ADD3: variants seen among roughly 807,000 people sequenced by gnomAD.
ADD3 encodes the protein gamma-adducin.
A neutral mutation model predicts 80.2 loss-of-function variants in ADD3; 25 were observed. The ratio of observed to expected loss-of-function variants is 0.31; its 90% CI spans 0.23 to 0.44. The LOEUF is 0.44. Among genes scored for constraint, ADD3 ranks in the 20% least tolerant of loss-of-function variants. The pLI, the probability that ADD3 is intolerant of heterozygous loss-of-function variation, is 1.00. For missense variants in ADD3, 829 were observed against 847.5 expected (o/e 0.98, Z 0.27); for synonymous variants, 284 against 289.6 (o/e 0.98, Z 0.20).
intron 8 of ADD3, among the ~76,000 whole-genome samples, chr10:110,121,035 A>G (rs1451121541): frequency 6.6e-6 from 1 of 151,970 alleles, no homozygotes; most frequent in Non-Finnish European, 1.5e-5. Flanking sequence ...TAGACCTAAA[A>G]CCATAAAAAC....
At chr10:110,063,784 A>ATATAT (rs1230336153) in intron 1 of ADD3, among the ~76,000 whole-genome samples, 94 of 53,276 alleles carry the variant, frequency 1.8e-3, no homozygotes, top group South Asian at 2.3e-3. Context: ...TATATATATA[A>ATATAT]AGTGAACACC....
At chr10:110,123,839 T>G in intron 9 of ADD3, 178 bp from the exon 10 acceptor site, 1 of 617,854 alleles carries the variant, frequency 1.6e-6, no homozygotes, top group Non-Finnish European at 2.8e-6. Flanking sequence ...GGTCTTGAAA[T>G]TTGCATAATT....
Position 110,049,224 on chromosome 10 carries a change from C to T in ADD3, c.-30+40925C>T, listed in dbSNP as rs374947973. On this transcript the variant is annotated intron_variant, in intron 1 of 14. Transcript: ENST00000356080. ...TTAGATTTCCGAGGATGTATGGAAACGCCTGGATTCCAGGCAGAAGTTTGC... is the reference window on the plus strand; with the variant it reads ...TTAGATTTCCGAGGATGTATGGAAATGCCTGGATTCCAGGCAGAAGTTTGC... Among the ~76,000 whole-genome samples the T allele has an allele frequency of 2.5e-4, 38 of 152,338 alleles. No individual in the cohort carries two copies. In the East Asian group the frequency reaches 4.4e-3, roughly 18 times the overall value.
chr10:110,092,265 A>G (rs1346290305), intron 1 of ADD3, among the ~76,000 whole-genome samples: 1 of 152,208 alleles, frequency 6.6e-6, no homozygotes, highest in Non-Finnish European at 1.5e-5. Context: ...ACACAAGCGC[A>G]AATATGTTCA....
chr10:110,122,123 C>T lies in ADD3; in HGVS notation c.974C>T (p.Ala325Val), dbSNP rs758648956. The T allele has an allele frequency of 1.9e-6, 3 of 1,612,596 alleles. No individual in the cohort carries two copies. Among genetic ancestry groups the T allele is most frequent in the Non-Finnish European group, 1.7e-6 (2 of 1,179,196 alleles). ...CATTGATTACAGGTGCAGGCCCTAG[C>T]AGGTGCAGGTGGAGTAGACAATCTC... ...LACEIQVQAL[A>V]GAGGVDNLHV... Residue 325 changes from alanine to valine, a missense_variant, in exon 9 of 15, where the codon GCA (alanine) becomes GTA (valine). Ala to Val is a moderately conservative substitution (Grantham distance 64). Transcript: ENST00000356080.
chr10:110,086,013 G>A (rs1346962381), intron 1 of ADD3, among the ~76,000 whole-genome samples: 4 of 152,190 alleles, frequency 2.6e-5, no homozygotes, highest in East Asian at 3.8e-4. Flanking sequence ...GCTGAAGCAC[G>A]AGAATCGCTT....
At position 110,133,725 on chromosome 10, in the gene ADD3, A is replaced by G. The variant is rs1162614172; in HGVS notation, c.*107A>G. ...AATGGTAGATCAGATTGGGGGATGT[A>G]GCAAACTGGACTTTAAGAACTGGAA... On this transcript the variant is annotated 3_prime_UTR_variant, in exon 15 of 15. Coordinates refer to ENST00000356080, the MANE Select transcript of ADD3 (RefSeq NM_016824.5). 3.2e-6 allele frequency: 3 copies of G among 929,718 alleles called. No individual in the cohort carries two copies. The African/African-American group carries it at 5.1e-5, about 16-fold the overall frequency. The allele number at this position is 929,718 out of a possible 1,614,324, so 57.6% of individuals were successfully genotyped here. A position where few individuals can be genotyped will look rare whatever the true frequency, so the allele number is the denominator to read the frequency against.
chr10:110,130,231 T>G, intron 12 of ADD3, 132 bp from the exon 13 acceptor site: 2 of 897,640 alleles, frequency 2.2e-6, no homozygotes. Flanking sequence ...TTACCTTGCA[T>G]TTCTTAGGAT....
At chr10:110,126,591 G>T in intron 12 of ADD3, 88 bp downstream of exon 12, 1 of 948,486 alleles carries the variant, frequency 1.1e-6, no homozygotes, top group Non-Finnish European at 1.6e-6. Flanking sequence ...TTTTTACTAA[G>T]GTTAATATAA....
At chr10:110,060,049 A>T (rs1156404559) in intron 1 of ADD3, among the ~76,000 whole-genome samples, 2 of 152,176 alleles carry the variant, frequency 1.3e-5, no homozygotes, top group Non-Finnish European at 2.9e-5. Context: ...TAGAAATGTG[A>T]AGTGAAGGGA....
rs2134099800 is a variant in ADD3, at chr10:110,117,359, G to A, written c.504G>A (p.Glu168=). The A allele has an allele frequency of 1.2e-6, 2 of 1,600,382 alleles. No individual in the cohort carries two copies. Among genetic ancestry groups the A allele is most frequent in the East Asian group, 2.2e-5 (1 of 44,696 alleles). The part of the protein sequence containing the change: ...NTYISVRISK[E]QDHIIIIPRG... ...TTTTCCAGGTAAGAATAAGTAAGGA[G>A]CAAGACCACATTATAATAATTCCCA... The change falls in exon 5 of 15, where the codon GAG becomes GAA. Residue 168 remains glutamate, a synonymous_variant. Coordinates refer to ENST00000356080, the MANE Select transcript of ADD3 (RefSeq NM_016824.5).
chr10:110,063,737 TTATATA>T (rs139871560), intron 1 of ADD3, among the ~76,000 whole-genome samples: 853 of 64,508 alleles, frequency 0.013, 14 homozygotes, highest in Middle Eastern at 0.041. Context: ...TATATATTCA[TTATATA>T]TATATATATA....
intron 1 of ADD3, among the ~76,000 whole-genome samples, chr10:110,086,544 A>G (rs988469100): frequency 6.6e-6 from 1 of 152,166 alleles, no homozygotes; most frequent in African/African-American, 2.4e-5. Context: ...GGTGGTTTCT[A>G]ATGGTTTAGT....
chr10:110,059,885 A>T lies in ADD3; in HGVS notation c.-29-40740A>T, dbSNP rs1858676577. On this transcript the variant is annotated intron_variant, in intron 1 of 14. Transcript: ENST00000356080. ...TATTCTGAAGAGTACAACCAAACAC[A>T]TTAGTCCCACATGGCTTTTTATTTA... Among the ~76,000 whole-genome samples the T allele has an allele frequency of 2.0e-5, 3 of 152,376 alleles. No homozygotes were observed. The South Asian group carries it at 6.2e-4, about 32-fold the overall frequency.
In ADD3 at chr10:110,126,653, C is replaced by A. The variant is rs187718907; in HGVS notation, c.1608+150C>A. 57 of 622,596 alleles carry A rather than the reference C, an allele frequency of 9.2e-5. 1 individual carries two copies. The East Asian group carries it at 1.6e-3, about 18-fold the overall frequency. The allele number at this position is 622,596 out of a possible 1,614,324, so 38.6% of individuals were successfully genotyped here. A position where few individuals can be genotyped will look rare whatever the true frequency, so the allele number is the denominator to read the frequency against. On this transcript the variant is annotated intron_variant, in intron 12 of 14. Coordinates refer to ENST00000356080, the MANE Select transcript of ADD3 (RefSeq NM_016824.5). ...GATTTAAAATGTCACCCACAATTCC[C>A]AGTTTCCAGGTGCAGCAACTTTCTG...
intron 1 of ADD3, among the ~76,000 whole-genome samples, chr10:110,039,231 G>A (rs1477536066): frequency 1.4e-5 from 2 of 144,418 alleles, no homozygotes; most frequent in African/African-American, 5.9e-5. Context: ...CACTCAGTCA[G>A]TCCGCTACCA....
intron 12 of ADD3, among the ~76,000 whole-genome samples, chr10:110,129,613 A>G (rs989598136): frequency 3.3e-5 from 5 of 151,906 alleles, no homozygotes; most frequent in Non-Finnish European, 7.4e-5. Flanking sequence ...TATGGTACCT[A>G]TTGCCTCTAG....
intron 1 of ADD3, among the ~76,000 whole-genome samples, chr10:110,070,718 G>C (rs566805131): frequency 2.0e-5 from 3 of 152,244 alleles, no homozygotes; most frequent in African/African-American, 7.2e-5. Context: ...GGCAGGCAGA[G>C]TTATGCAGGG....
intron 1 of ADD3, among the ~76,000 whole-genome samples, chr10:110,048,825 C>T (rs1857178879): frequency 6.6e-6 from 1 of 152,172 alleles, no homozygotes; most frequent in Non-Finnish European, 1.5e-5. Context: ...AAGGAAAAGC[C>T]ATTTTCTCCA....
Sources: gnomAD v4.1 joint callset for allele counts (sites outside exome capture counted in the v4.1 genomes callset) on GRCh38, gnomAD v4.1.1 for gene constraint, MANE v1.5 for transcripts, NCBI Gene and HGNC (gene_info 2026-07-23, HGNC 2026-07-21) for gene names.